Variants in NEGR1 observed in about 807,000 individuals in gnomAD.
The protein encoded by NEGR1 is neuronal growth regulator 1.
NEGR1 carries 10 observed loss-of-function variants against 40.9 expected under a neutral mutation model. The observed-to-expected ratio is 0.24, with a 90% CI of 0.15 to 0.42. The LOEUF is 0.42. Ranked by LOEUF, NEGR1 falls within the 10% of genes least tolerant of loss-of-function variation. The probability of loss-of-function intolerance (pLI) is 1.00; values close to 1 mark genes in which losing one functional copy is unlikely to be tolerated. For synonymous variants in NEGR1, 185 were observed against 166.8 expected (o/e 1.11, Z -0.84); for missense variants, 352 against 438.9 (o/e 0.80, Z 1.77).
At position 71,624,981 on chromosome 1, in the gene NEGR1, C is replaced by T. The variant is rs546974670; in HGVS notation, c.668-13835G>A. Among the ~76,000 whole-genome samples the T allele has an allele frequency of 2.2e-4, 33 of 151,950 alleles. No individual in the cohort carries two copies. In the South Asian group the frequency reaches 6.2e-3, roughly 29 times the overall value. On this transcript the variant is annotated intron_variant, in intron 4 of 6. Coordinates refer to ENST00000357731, the MANE Select transcript of NEGR1 (RefSeq NM_173808.3). Reference sequence around the variant, plus strand: ...TGTATTCCAAGTCCTAAGACCAGTGCCTGAAGCATACTAGGCACTCAATAA... The same window carrying T: ...TGTATTCCAAGTCCTAAGACCAGTGTCTGAAGCATACTAGGCACTCAATAA...
At chr1:72,216,927 A>G (rs184351803) in intron 1 of NEGR1, among the ~76,000 whole-genome samples, 4 of 140,528 alleles carry the variant, frequency 2.8e-5, no homozygotes, top group Non-Finnish European at 4.4e-5. Context: ...CATTCTTTAT[A>G]TACTTAATTT....
intron 6 of NEGR1, among the ~76,000 whole-genome samples, chr1:71,488,710 T>C (rs1387077245): frequency 6.6e-6 from 1 of 151,648 alleles, no homozygotes; most frequent in Admixed American, 6.6e-5. Flanking sequence ...TATGAACAGA[T>C]GCACCCTGAC....
At chr1:72,207,651 C>T (rs1222898175) in intron 1 of NEGR1, among the ~76,000 whole-genome samples, 1 of 151,602 alleles carries the variant, frequency 6.6e-6, no homozygotes, top group East Asian at 1.9e-4. Context: ...AAAGATTAAT[C>T]TTTTGTTTGG....
chr1:71,831,668 T>G (rs1444210571), intron 2 of NEGR1, among the ~76,000 whole-genome samples: 1 of 151,810 alleles, frequency 6.6e-6, no homozygotes, highest in African/African-American at 2.4e-5. Flanking sequence ...ATACTATTAG[T>G]GGATGCTACA....
chr1:71,826,611 G>A (rs2101784456), intron 2 of NEGR1, among the ~76,000 whole-genome samples: 1 of 151,408 alleles, frequency 6.6e-6, no homozygotes, highest in South Asian at 2.1e-4. Context: ...TGGAAGTAAG[G>A]AAGAAAGATT....
At chr1:71,766,415 C>G (rs1407788500) in intron 3 of NEGR1, among the ~76,000 whole-genome samples, 1 of 152,100 alleles carries the variant, frequency 6.6e-6, no homozygotes, top group Non-Finnish European at 1.5e-5. Context: ...AATGCCTTAT[C>G]AAAACATTAA....
intron 5 of NEGR1, among the ~76,000 whole-genome samples, chr1:71,605,492 T>A (rs1650050028): frequency 1.3e-5 from 2 of 152,220 alleles, no homozygotes; most frequent in Admixed American, 6.5e-5. Context: ...CATGTTTTTG[T>A]AATACCTATT....
chr1:72,143,100 T>C (rs1218898459), intron 1 of NEGR1, among the ~76,000 whole-genome samples: 1 of 151,952 alleles, frequency 6.6e-6, no homozygotes, highest in African/African-American at 2.4e-5. Flanking sequence ...TTCTCTCTTT[T>C]AAAATAAATT....
intron 1 of NEGR1, among the ~76,000 whole-genome samples, chr1:72,281,771 G>A (rs1424354265): frequency 1.3e-5 from 2 of 152,014 alleles, no homozygotes; most frequent in African/African-American, 2.4e-5. Context: ...GGGAAAAAGA[G>A]TTACAAGGAG....
intron 4 of NEGR1, among the ~76,000 whole-genome samples, chr1:71,640,378 T>G (rs1399061790): frequency 6.6e-6 from 1 of 152,040 alleles, no homozygotes; most frequent in Non-Finnish European, 1.5e-5. Context: ...TGCATTGATA[T>G]CTCAGAGTGT....
At chr1:72,056,516 T>A (rs1322273713) in intron 1 of NEGR1, among the ~76,000 whole-genome samples, 1 of 151,400 alleles carries the variant, frequency 6.6e-6, no homozygotes, top group Non-Finnish European at 1.5e-5. Context: ...GAAATTAGAA[T>A]AATCTATCTA....
chr1:71,986,873 T>A (rs1247155808), intron 1 of NEGR1, among the ~76,000 whole-genome samples: 2 of 152,188 alleles, frequency 1.3e-5, no homozygotes, highest in African/African-American at 4.8e-5. Flanking sequence ...ACAAAAGTCT[T>A]AAGGCAAAAA....
intron 6 of NEGR1, among the ~76,000 whole-genome samples, chr1:71,495,556 C>T (rs1366014708): frequency 6.6e-6 from 1 of 151,860 alleles, no homozygotes; most frequent in Non-Finnish European, 1.5e-5. Flanking sequence ...TGCTCCTACC[C>T]CCCTACATCA....
chr1:71,802,623 T>TG (rs1657602341), intron 2 of NEGR1, among the ~76,000 whole-genome samples: 2 of 152,196 alleles, frequency 1.3e-5, no homozygotes, highest in Non-Finnish European at 2.9e-5. Flanking sequence ...GAAGGGATGC[T>TG]GCTGCCTTAT....
At position 71,888,001 on chromosome 1, in the gene NEGR1, AC is replaced by A. The variant is rs1660774745; in HGVS notation, c.409+47077del. Among the ~76,000 whole-genome samples, 5 of 110,682 alleles carry A rather than the reference AC, an allele frequency of 4.5e-5. No homozygotes were observed. The South Asian group carries it at 1.4e-3, about 31-fold the overall frequency. 72.6% of individuals were successfully genotyped at this position (110,682 alleles called of 152,430 possible). ...CTCAAACTTTTGAAAGGACACACACACACACACACACACACACACACACACA... is the reference window on the plus strand; with the variant it reads ...CTCAAACTTTTGAAAGGACACACACAACACACACACACACACACACACACA... On this transcript the variant is annotated intron_variant, in intron 2 of 6. Coordinates refer to ENST00000357731, the MANE Select transcript of NEGR1 (RefSeq NM_173808.3).
At chr1:72,192,222 A>C (rs1296117607) in intron 1 of NEGR1, among the ~76,000 whole-genome samples, 1 of 151,800 alleles carries the variant, frequency 6.6e-6, no homozygotes, top group African/African-American at 2.4e-5. Context: ...GTCCTCAGTC[A>C]TGTGCGACAA....
rs1005129353 is a variant in NEGR1 at position 71,610,341 on chromosome 1, A to G, written c.788+685T>C. Among the ~76,000 whole-genome samples, 10 of 152,306 alleles carry G rather than the reference A, an allele frequency of 6.6e-5. No homozygotes were observed. In the South Asian group the frequency reaches 1.9e-3, roughly 28 times the overall value. On this transcript the variant is annotated intron_variant, in intron 5 of 6. Transcript: ENST00000357731. ...TCCTGTGATTTTTTGATCGATTGAT[A>G]ACAGAATTTGAAGATGTCTGAATGA...
intron 2 of NEGR1, among the ~76,000 whole-genome samples, chr1:71,907,389 T>C (rs1019760166): frequency 6.6e-6 from 1 of 152,106 alleles, no homozygotes; most frequent in African/African-American, 2.4e-5. Context: ...AGAGACATAA[T>C]TTGAAAAAGA....
intron 4 of NEGR1, among the ~76,000 whole-genome samples, chr1:71,667,220 G>A (rs1222722607): frequency 2.6e-5 from 4 of 152,144 alleles, no homozygotes; most frequent in Admixed American, 2.6e-4. Context: ...CAAGAGTTTA[G>A]TCTTCGATGT....
Sources: allele counts gnomAD v4.1 joint callset (sites outside exome capture counted in the v4.1 genomes callset), GRCh38; gene constraint gnomAD v4.1.1; transcripts MANE v1.5; gene names NCBI Gene and HGNC (gene_info 2026-07-23, HGNC 2026-07-21).